AHNAK2: variants seen among roughly 807,000 people sequenced by gnomAD.
AHNAK2 encodes protein AHNAK2.
In AHNAK2, 18 loss-of-function variants were observed where a neutral mutation model predicts 30.7. The ratio of observed to expected loss-of-function variants is 0.59; its 90% CI spans 0.41 to 0.87. The LOEUF is 0.87. AHNAK2 is among the 40% of genes least tolerant of loss of function. The probability of loss-of-function intolerance (pLI) is 0.00; values close to 1 mark genes in which losing one functional copy is unlikely to be tolerated. For missense variants in AHNAK2, 8,604 were observed against 7,373.0 expected, an observed-to-expected ratio of 1.17 and a Z score of -6.11; for synonymous variants, 3,590 against 3,073.8, an observed-to-expected ratio of 1.17 and a Z score of -5.56.
intron 1 of AHNAK2, among the ~76,000 whole-genome samples, chr14:104,968,136 C>A (rs558716089): frequency 6.6e-6 from 1 of 152,350 alleles, no homozygotes; most frequent in Non-Finnish European, 1.5e-5. Flanking sequence ...TTCCCCCACT[C>A]CCCGGGCCCC....
rs376632420 is a variant in AHNAK2, at chr14:104,950,783, T to G, written c.4668A>C (p.Gln1556His). 6.6e-5 allele frequency: 104 copies of G among 1,586,242 alleles called. 11 individuals are homozygous for G. Among genetic ancestry groups the G allele is most frequent in the Non-Finnish European group, 8.2e-5 (95 of 1,162,302 alleles). The change falls in exon 7 of 7, where the codon CAA (glutamine) becomes CAC (histidine). Residue 1556 changes from glutamine to histidine, a missense_variant. Coordinates refer to ENST00000333244, the MANE Select transcript of AHNAK2 (RefSeq NM_138420.4). Reference protein sequence around the residue: ...PSADLEVQAGQVDVKLPEGPV... With the variant: ...PSADLEVQAGHVDVKLPEGPV... ...GGCCCTCTGGGAGTTTCACGTCCAC[T>G]TGGCCAGCCTGGACCTCCAGGTCAG...
Position 104,952,477 on chromosome 14 carries a change from T to A in AHNAK2, c.2974A>T (p.Thr992Ser), listed in dbSNP as rs2140861553. The A allele has an allele frequency of 6.2e-7, 1 of 1,612,572 alleles. No individual in the cohort carries two copies. Among genetic ancestry groups the A allele is most frequent in the East Asian group, 2.2e-5 (1 of 44,772 alleles). ...GDLSLADKDV[T>S]AKDSKFKMPK... ...ATTTTGAACTTGCTGTCTTTGGCAG[T>A]CACGTCCTTGTCGGCCAGGGACAGG... The change falls in exon 7 of 7, where the codon ACT becomes TCT. Residue 992 changes from threonine to serine, a missense_variant. Coordinates refer to ENST00000333244, the MANE Select transcript of AHNAK2 (RefSeq NM_138420.4).
chr14:104,942,408 A>G lies in AHNAK2; in HGVS notation c.13043T>C (p.Ile4348Thr). The part of the protein sequence containing the change: ...QGDLKTTHLS[I>T]QPPSADLEVQ... ...CTCCAGATCAGCGGAAGGGGGCTGA[A>G]TGCTGAGGTGAGTGGTCTTCAGGTC... The change falls in exon 7 of 7, where the codon ATT becomes ACT. Residue 4348 changes from isoleucine (I) to threonine (T), a missense_variant. Transcript: ENST00000333244. The G allele has an allele frequency of 6.2e-7, 1 of 1,613,004 alleles. No individual in the cohort carries two copies. Among genetic ancestry groups the G allele is most frequent in the Non-Finnish European group, 8.5e-7 (1 of 1,179,584 alleles).
rs777314234 is a variant in AHNAK2 at position 104,954,599 on chromosome 14, G to A, written c.852C>T (p.Ala284=). The A allele has an allele frequency of 1.2e-6, 2 of 1,610,756 alleles. No homozygotes were observed. The highest frequency in any genetic ancestry group is 2.2e-5 in the East Asian group (1 of 44,842). ...GPQRSHSSSE[A]YEPRDAHDVS... The stretch of plus-strand genomic sequence containing the variant: ...CGTCATGTGCGTCCCTAGGTTCGTA[G>A]GCCTCTGACGAGCTGTGTGACCTCT... Residue 284 remains alanine, a synonymous_variant, in exon 7 of 7, where the codon GCC becomes GCT. Transcript: ENST00000333244. This position sits in a 1 kb window ranked among gnomAD's most constrained non-coding sequence, Gnocchi z 4.3.
chr14:104,975,234 G>T (rs1282077265), intron 1 of AHNAK2, among the ~76,000 whole-genome samples: 2 of 152,226 alleles, frequency 1.3e-5, no homozygotes, highest in African/African-American at 4.8e-5. Flanking sequence ...TGGAACTGGA[G>T]GCTCTGCGGG....
intron 1 of AHNAK2, among the ~76,000 whole-genome samples, chr14:104,973,146 C>T (rs940356234): frequency 1.3e-5 from 2 of 152,222 alleles, no homozygotes; most frequent in African/African-American, 2.4e-5. Flanking sequence ...GCTGGAGGGA[C>T]GGCAAGCAGG....
At position 104,950,513 on chromosome 14, in the gene AHNAK2, C is replaced by T. The variant is rs755089104; in HGVS notation, c.4938G>A (p.Leu1646=). The change falls in exon 7 of 7, where the codon CTG becomes CTA. Residue 1646 remains leucine, a synonymous_variant. Coordinates refer to ENST00000333244, the MANE Select transcript of AHNAK2 (RefSeq NM_138420.4). ...CTTTGGCAGTCACCGCCTTGTCGGCCAGGGACAGGTCCCCCTCCAGCTGCG... is the reference window on the plus strand; with the variant it reads ...CTTTGGCAGTCACCGCCTTGTCGGCTAGGGACAGGTCCCCCTCCAGCTGCG... The part of the protein sequence containing the change: ...DGAQLEGDLS[L]ADKAVTAKDS... The T allele has an allele frequency of 6.9e-6, 11 of 1,587,188 alleles. 1 individual carries two copies. The highest frequency in any genetic ancestry group is 3.3e-4 in the Middle Eastern group (2 of 6,024).
intron 1 of AHNAK2, among the ~76,000 whole-genome samples, chr14:104,965,472 A>C (rs1174577652): frequency 2.6e-5 from 4 of 152,046 alleles, no homozygotes; most frequent in Non-Finnish European, 5.9e-5. Context: ...ACCGTCCCAC[A>C]AAAAGGACTC....
At chr14:104,965,401 CAA>C (rs397853385) in intron 1 of AHNAK2, among the ~76,000 whole-genome samples, 10,787 of 85,610 alleles carry the variant, frequency 0.13, 905 homozygotes, top group East Asian at 0.51. Flanking sequence ...AACTCTGTCT[CAA>C]AAAAAAAAAA....
At position 104,947,037 on chromosome 14, in the gene AHNAK2, C is replaced by A. The variant is rs550107027; in HGVS notation, c.8414G>T (p.Gly2805Val). ...LEGDLSLADKGMTAKDSKFKM... is the reference protein window; with the variant it reads ...LEGDLSLADKVMTAKDSKFKM... ...GAACTTGCTGTCTTTGGCTGTCATG[C>A]CCTTGTCGGCCAGGGACAGGTCCCC... The change falls in exon 7 of 7, where the codon GGC becomes GTC. Residue 2805 changes from glycine to valine, a missense_variant. Coordinates refer to ENST00000333244, the MANE Select transcript of AHNAK2 (RefSeq NM_138420.4). The A allele has an allele frequency of 6.2e-6, 10 of 1,610,984 alleles. No homozygotes were observed. In the African/African-American group the frequency reaches 9.5e-5, roughly 15 times the overall value.
rs748781678 is a variant in AHNAK2, at chr14:104,943,954, C to T, written c.11497G>A (p.Val3833Met). Residue 3833 changes from valine to methionine, a missense_variant, in exon 7 of 7, where the codon GTG (valine) becomes ATG (methionine). Transcript: ENST00000333244. ...EASVHVSAPK[V>M]EADVSLPSMQ... ...GAGGGGAGACTCACATCGGCCTCCA[C>T]CTTGGGTGCAGACACGTGCACCGAG... 6.2e-7 allele frequency: 1 copy of T among 1,612,848 alleles called. No individual in the cohort carries two copies. The highest frequency in any genetic ancestry group is 1.1e-5 in the South Asian group (1 of 91,030).
chr14:104,958,862 A>G (rs554919879), intron 1 of AHNAK2, among the ~76,000 whole-genome samples: 7 of 152,334 alleles, frequency 4.6e-5, no homozygotes, highest in African/African-American at 9.6e-5. Flanking sequence ...GAAACGTCAC[A>G]GTCAAAATGC....
chr14:104,957,139 C>T (rs57147900), intron 3 of AHNAK2, among the ~76,000 whole-genome samples: 3,696 of 152,332 alleles, frequency 0.024, 57 homozygotes, highest in Middle Eastern at 0.082. Flanking sequence ...CCCTGTGCCC[C>T]TGAAACACAA....
chr14:104,946,221 T>C lies in AHNAK2; in HGVS notation c.9230A>G (p.Lys3077Arg), dbSNP rs756190808. The change falls in exon 7 of 7, where the codon AAG becomes AGG. Residue 3077 changes from lysine to arginine, a missense_variant. Lys to Arg is a conservative substitution (Grantham distance 26). Transcript: ENST00000333244. ...GCCCTTGACATCTATCTGGGGTCCC[T>C]TGCGATCTACTTTGGGCATCTTGAA... ...PSFKMPKVDR[K>R]GPQIDVKGPK... 65 of 1,601,612 alleles carry C rather than the reference T, an allele frequency of 4.1e-5. No individual in the cohort carries two copies. The African/African-American group carries it at 8.4e-4, about 21-fold the overall frequency.
At position 104,938,056 on chromosome 14, in the gene AHNAK2, A is replaced by G. The variant is rs761346040; in HGVS notation, c.*7T>C. The G allele has an allele frequency of 6.2e-6, 10 of 1,610,552 alleles. No individual in the cohort carries two copies. The highest frequency in any genetic ancestry group is 5.0e-5 in the Admixed American group (3 of 59,686). On this transcript the variant is annotated 3_prime_UTR_variant, in exon 7 of 7. Coordinates refer to ENST00000333244, the MANE Select transcript of AHNAK2 (RefSeq NM_138420.4). ...TGCATCTCTCTTGTACTGATGAGCC[A>G]TACCTCTCAGCCTTCATTTGGTCCC...
At position 104,948,040 on chromosome 14, in the gene AHNAK2, C is replaced by G. The variant is rs185496696; in HGVS notation, c.7411G>C (p.Val2471Leu). The change falls in exon 7 of 7, where the codon GTG (valine) becomes CTG (leucine). Residue 2471 changes from valine to leucine, a missense_variant. Transcript: ENST00000333244. Reference sequence around the variant, plus strand: ...TTGGTAGTCACATCCTTGTCCGCCACAGACAGGTCCCCCTCCAGCCACGCA... The same window carrying G: ...TTGGTAGTCACATCCTTGTCCGCCAGAGACAGGTCCCCCTCCAGCCACGCA... ...DGAWLEGDLS[V>L]ADKDVTTKDS... 54,663 of 1,609,906 alleles carry G rather than the reference C, an allele frequency of 0.034. 1,124 individuals carry two copies. Among genetic ancestry groups the G allele is most frequent in the Non-Finnish European group, 0.038 (44,799 of 1,178,544 alleles).
Position 104,952,996 on chromosome 14 carries a change from G to T in AHNAK2, c.2455C>A (p.Leu819Met), listed in dbSNP as rs757436413. The change falls in exon 7 of 7, where the codon CTG becomes ATG. Residue 819 changes from leucine (L) to methionine (M), a missense_variant. Coordinates refer to ENST00000333244, the MANE Select transcript of AHNAK2 (RefSeq NM_138420.4). ...KLDGARLEGD[L>M]SLADKEVTAK... is the part of the protein sequence containing the mutation. ...GTCACCTCCTTGTCGGCCAGGGACA[G>T]GTCCCCCTCCAGCCGCGCACCATCC... 9.3e-6 allele frequency: 15 copies of T among 1,612,806 alleles called. 1 individual carries two copies. In the South Asian group the frequency reaches 9.9e-5, roughly 11 times the overall value.
intron 1 of AHNAK2, among the ~76,000 whole-genome samples, chr14:104,974,360 C>T (rs1899547596): frequency 6.6e-6 from 1 of 152,254 alleles, no homozygotes; most frequent in Non-Finnish European, 1.5e-5. Flanking sequence ...TCCCCGGTGC[C>T]CTCAGGACAA....
chr14:104,958,904 G>A (rs1248716439), intron 1 of AHNAK2, among the ~76,000 whole-genome samples: 1 of 152,024 alleles, frequency 6.6e-6, no homozygotes, highest in African/African-American at 2.4e-5. Context: ...CATAATAAGG[G>A]CACAAAAATA....
Sources: gnomAD v4.1 joint callset for allele counts (sites outside exome capture counted in the v4.1 genomes callset) on GRCh38, gnomAD v4.1.1 for gene constraint, Gnocchi (gnomAD v3.1) non-coding constraint, MANE v1.5 for transcripts, NCBI Gene and HGNC (gene_info 2026-07-23, HGNC 2026-07-21) for gene names.